ATP10B: variants seen among roughly 807,000 people sequenced by gnomAD.
ATP10B encodes the protein phospholipid-transporting ATPase VB.
In ATP10B, 122 loss-of-function variants were observed where a neutral mutation model predicts 141.2. The ratio of observed to expected loss-of-function variants is 0.86; its 90% CI spans 0.75 to 1.00. ATP10B has a LOEUF of 1.00. Ranked by LOEUF, ATP10B falls within the 50% of genes least tolerant of loss-of-function variation. The pLI, the probability that ATP10B is intolerant of heterozygous loss-of-function variation, is 0.00. For synonymous variants in ATP10B, 685 were observed against 692.0 expected (o/e 0.99, Z 0.16); for missense variants, 1,876 against 1,825.3 (o/e 1.03, Z -0.51).
intron 1 of ATP10B, among the ~76,000 whole-genome samples, chr5:160,802,254 G>A (rs1467004807): frequency 6.6e-6 from 1 of 152,158 alleles, no homozygotes; most frequent in South Asian, 2.1e-4. Context: ...AGTAGTCAAC[G>A]GGATGGGCTA....
At chr5:160,650,273 T>C (rs536408674) in intron 7 of ATP10B, among the ~76,000 whole-genome samples, 1 of 152,132 alleles carries the variant, frequency 6.6e-6, no homozygotes, top group South Asian at 2.1e-4. Flanking sequence ...GGTATATACA[T>C]GTGTATTTAC....
At chr5:160,908,156 G>A in the ATP10B span, among the ~76,000 whole-genome samples, 9 of 152,138 alleles carry the variant, frequency 5.9e-5, no homozygotes, top group African/African-American at 2.2e-4. Context: ...ATTACACTAT[G>A]TCACTATGTG....
At chr5:160,905,314 A>C in the ATP10B span, among the ~76,000 whole-genome samples, 1 of 152,246 alleles carries the variant, frequency 6.6e-6, no homozygotes, top group Non-Finnish European at 1.5e-5. Flanking sequence ...GGCATAGCCC[A>C]GCTTGGCATT....
rs992501870 is a variant in ATP10B at position 160,785,591 on chromosome 5, T to C, written c.-363A>G. The C allele has an allele frequency of 1.2e-5, 12 of 1,014,478 alleles. No individual in the cohort carries two copies. In the African/African-American group the frequency reaches 1.8e-4, roughly 15 times the overall value. 62.8% of individuals were successfully genotyped at this position (1,014,478 alleles called of 1,614,324 possible). A position where few individuals can be genotyped will look rare whatever the true frequency, so the allele number is the denominator to read the frequency against. On this transcript the variant is annotated 5_prime_UTR_variant, in exon 2 of 26. Transcript: ENST00000327245. ...GTAGATTTCAAGTCTTGTTCCTCTT[T>C]CTCCTTCCCTCCTTTTTGAAGTCTC...
intron 1 of ATP10B, among the ~76,000 whole-genome samples, chr5:160,845,667 A>G (rs1776076340): frequency 6.6e-6 from 1 of 152,206 alleles, no homozygotes; most frequent in African/African-American, 2.4e-5. Context: ...GCCCCCTGTG[A>G]TACCCAAGCC....
At chr5:160,884,357 TC>T in the ATP10B span, among the ~76,000 whole-genome samples, 4 of 152,200 alleles carry the variant, frequency 2.6e-5, no homozygotes, top group African/African-American at 9.7e-5. Flanking sequence ...ATCAGTATTT[TC>T]CAAGAAGGGG....
chr5:160,692,380 G>A (rs1240992987), intron 3 of ATP10B, among the ~76,000 whole-genome samples: 3 of 152,130 alleles, frequency 2.0e-5, no homozygotes, highest in Non-Finnish European at 4.4e-5. Flanking sequence ...ATCAAAGCAA[G>A]TATTGAAGCT....
intron 1 of ATP10B, among the ~76,000 whole-genome samples, chr5:160,799,730 G>A (rs1482385000): frequency 2.0e-5 from 3 of 152,156 alleles, no homozygotes; most frequent in African/African-American, 7.2e-5. Flanking sequence ...ATGGCCAAAT[G>A]GGGAAATAGG....
At chr5:160,908,620 G>A in the ATP10B span, among the ~76,000 whole-genome samples, 6 of 152,162 alleles carry the variant, frequency 3.9e-5, no homozygotes, top group African/African-American at 1.2e-4. Flanking sequence ...AGCCAGGTTT[G>A]AGGATCACTT....
chr5:160,653,590 CAT>C (rs377067723), intron 7 of ATP10B, among the ~76,000 whole-genome samples: 89,978 of 111,162 alleles, frequency 0.81, 36,119 homozygotes, highest in Middle Eastern at 0.86. Flanking sequence ...TACATATATA[CAT>C]ATATACATAT....
At chr5:160,738,516 A>G (rs1185547892) in intron 2 of ATP10B, among the ~76,000 whole-genome samples, 1 of 127,892 alleles carries the variant, frequency 7.8e-6, no homozygotes, top group African/African-American at 2.8e-5. Context: ...CCACTATTTA[A>G]TTTCTCAAAA....
At chr5:160,766,337 AACACACAC>A (rs58890049) in intron 2 of ATP10B, among the ~76,000 whole-genome samples, 5,032 of 140,348 alleles carry the variant, frequency 0.036, 118 homozygotes, top group Middle Eastern at 0.056. Context: ...GGATAAAGAG[AACACACAC>A]ACACACACAC....
At chr5:160,634,274 G>T in intron 12 of ATP10B, 80 bp downstream of exon 12, 1 of 1,589,176 alleles carries the variant, frequency 6.3e-7, no homozygotes, top group Non-Finnish European at 8.6e-7. Context: ...CCAGGAGAAT[G>T]TCTTTTATCT....
intron 1 of ATP10B, among the ~76,000 whole-genome samples, chr5:160,846,082 A>G (rs761354280): frequency 2.1e-4 from 32 of 152,332 alleles, no homozygotes; most frequent in Non-Finnish European, 4.1e-4. Context: ...ATTTATTTAT[A>G]TATATATCAC....
intron 7 of ATP10B, among the ~76,000 whole-genome samples, chr5:160,650,565 C>G (rs1290857085): frequency 6.6e-6 from 1 of 152,162 alleles, no homozygotes; most frequent in Non-Finnish European, 1.5e-5. Context: ...AGGAACTCCC[C>G]AAATCCTTAT....
chr5:160,812,054 GAGAGA>G (rs1773211524), intron 1 of ATP10B, among the ~76,000 whole-genome samples: 1 of 150,050 alleles, frequency 6.7e-6, no homozygotes, highest in African/African-American at 2.5e-5. Context: ...GAGAGAGAGA[GAGAGA>G]GGGAGAGGGA....
chr5:160,884,503 C>T, the ATP10B span, among the ~76,000 whole-genome samples: 1 of 152,160 alleles, frequency 6.6e-6, no homozygotes, highest in Non-Finnish European at 1.5e-5. Flanking sequence ...ATCAAAAGAA[C>T]TGGCTATCTC....
upstream of ATP10B, among the ~76,000 whole-genome samples, chr5:160,853,259 T>C (rs183238383): frequency 6.6e-6 from 1 of 152,276 alleles, no homozygotes; most frequent in African/African-American, 2.4e-5. Flanking sequence ...AATGCTTAAG[T>C]CCCTGTTCCT....
At chr5:160,715,574 T>A (rs2127775363) in intron 3 of ATP10B, among the ~76,000 whole-genome samples, 1 of 151,592 alleles carries the variant, frequency 6.6e-6, no homozygotes, top group African/African-American at 2.4e-5. Context: ...TCACCCGTCT[T>A]CTGCGTCGCT....
Sources: allele counts gnomAD v4.1 joint callset (sites outside exome capture counted in the v4.1 genomes callset), GRCh38; gene constraint gnomAD v4.1.1; transcripts MANE v1.5; gene names NCBI Gene and HGNC (gene_info 2026-07-23, HGNC 2026-07-21).